Variants in LOC112694756 observed in about 807,000 individuals in gnomAD.
At chr16:30,066,944 T>C in the LOC112694756 span, 2 of 1,551,006 alleles carry the variant, frequency 1.3e-6, no homozygotes, top group African/African-American at 2.7e-5. Context: ...ATGACCCACC[T>C]GTCCATGGCT....
the LOC112694756 span, chr16:30,064,771 C>T: frequency 5.6e-6 from 1 of 178,000 alleles, no homozygotes; most frequent in Non-Finnish European, 1.2e-5. Context: ...CCGGCTCCTT[C>T]GGCCTCGCCG....
the LOC112694756 span, chr16:30,070,231 T>C: frequency 2.5e-6 from 4 of 1,612,964 alleles, no homozygotes; most frequent in Non-Finnish European, 3.4e-6. Flanking sequence ...GTTCCCAGGC[T>C]GCCCCCAACA....
At chr16:30,070,170 T>TGCTGCC in the LOC112694756 span, 1 of 1,614,166 alleles carries the variant, frequency 6.2e-7, no homozygotes, top group Admixed American at 1.7e-5. Flanking sequence ...AGGCTGGGGC[T>TGCTGCC]GCTGCCAGCG....
the LOC112694756 span, chr16:30,069,646 C>T: frequency 3.1e-5 from 50 of 1,613,754 alleles, no homozygotes; most frequent in Admixed American, 5.0e-5. Context: ...CACAGCGCTG[C>T]GCCGCACAGT....
chr16:30,069,948 G>T, the LOC112694756 span: 33 of 1,613,936 alleles, frequency 2.0e-5, no homozygotes, highest in South Asian at 3.4e-4. Flanking sequence ...GCCGAGCCCT[G>T]CAGGCCTCTG....
chr16:30,066,011 G>T, the LOC112694756 span: 1 of 153,198 alleles, frequency 6.5e-6, no homozygotes, highest in Non-Finnish European at 1.5e-5. Context: ...TCCGCGTGGA[G>T]GCCTCCCCCA....
At chr16:30,070,011 G>A in the LOC112694756 span, 2 of 1,613,828 alleles carry the variant, frequency 1.2e-6, no homozygotes, top group South Asian at 2.2e-5. Flanking sequence ...CGCAGGAGGA[G>A]TATGTCAAGC....
the LOC112694756 span, among the ~76,000 whole-genome samples, chr16:30,061,380 T>C: frequency 6.6e-6 from 1 of 152,096 alleles, no homozygotes; most frequent in African/African-American, 2.4e-5. Flanking sequence ...ATGAGTCCAG[T>C]GCTAGCTCAG....
the LOC112694756 span, chr16:30,067,212 C>G: frequency 5.6e-6 from 9 of 1,612,000 alleles, no homozygotes; most frequent in East Asian, 2.0e-4. Context: ...ACTAGTCCTT[C>G]CCCTCTGTTT....
chr16:30,070,257 C>T, the LOC112694756 span: 2 of 1,597,066 alleles, frequency 1.3e-6, no homozygotes, highest in South Asian at 1.1e-5. Context: ...GGCCCTGCCC[C>T]CTCCCACTCT....
chr16:30,068,131 C>G, the LOC112694756 span: 1 of 248,042 alleles, frequency 4.0e-6, no homozygotes, highest in South Asian at 4.0e-5. Flanking sequence ...GGTGCGATCT[C>G]TTGGCTCACT....
chr16:30,061,548 CTTTTTTTTTTTTT>C, the LOC112694756 span, among the ~76,000 whole-genome samples: 78 of 65,630 alleles, frequency 1.2e-3, no homozygotes, highest in African/African-American at 3.8e-3. Flanking sequence ...CCTCCATTTC[CTTTTTTTTTTTTT>C]TTTTTTTTTT....
chr16:30,069,469 A>T, the LOC112694756 span: 1 of 1,611,060 alleles, frequency 6.2e-7, no homozygotes, highest in Admixed American at 1.7e-5. Context: ...CCTCCACCCC[A>T]CTACCCACCG....
the LOC112694756 span, among the ~76,000 whole-genome samples, chr16:30,059,832 C>T: frequency 3.3e-5 from 5 of 150,154 alleles, no homozygotes; most frequent in African/African-American, 7.4e-5. Context: ...CAAAGTGCTG[C>T]GATTACATAC....
At chr16:30,056,920 T>TC in the LOC112694756 span, among the ~76,000 whole-genome samples, 1 of 145,632 alleles carries the variant, frequency 6.9e-6, no homozygotes, top group African/African-American at 2.6e-5. Flanking sequence ...CCTTTTTTTT[T>TC]TTTTTTTTGA....
chr16:30,065,096 C>G, the LOC112694756 span, among the ~76,000 whole-genome samples: 1 of 152,178 alleles, frequency 6.6e-6, no homozygotes, highest in East Asian at 1.9e-4. Flanking sequence ...AGAGCGCGCA[C>G]GCATGCGCGA....
At chr16:30,070,088 C>T in the LOC112694756 span, 2 of 1,613,718 alleles carry the variant, frequency 1.2e-6, no homozygotes, top group Non-Finnish European at 1.7e-6. Context: ...GAGAAGAGCC[C>T]TTCTCACTCC....
chr16:30,059,464 A>T, the LOC112694756 span, among the ~76,000 whole-genome samples: 2 of 151,376 alleles, frequency 1.3e-5, no homozygotes, highest in African/African-American at 2.4e-5. Context: ...GTGCCACTGC[A>T]CTCCAGCCTG....
the LOC112694756 span, chr16:30,069,321 A>G: frequency 6.2e-7 from 1 of 1,614,190 alleles, no homozygotes; most frequent in Non-Finnish European, 8.5e-7. Context: ...CATTGTGCCC[A>G]TCGTGGAGCC....
Sources: gnomAD v4.1 joint callset for allele counts (sites outside exome capture counted in the v4.1 genomes callset) on GRCh38, gnomAD v4.1.1 for gene constraint, MANE v1.5 for transcripts.